Variants in ARHGEF10L observed in about 807,000 individuals in gnomAD.
ARHGEF10L encodes the protein Rho guanine nucleotide exchange factor 10 like.
In ARHGEF10L, 69 loss-of-function variants were observed where a neutral mutation model predicts 141.2. The observed-to-expected ratio is 0.49, with a 90% confidence interval of 0.40 to 0.60. ARHGEF10L has a LOEUF of 0.60. Ranked by LOEUF, ARHGEF10L falls within the 20% of genes least tolerant of loss-of-function variation. ARHGEF10L has a pLI of 0.00. For missense variants in ARHGEF10L, 1,482 were observed against 1,734.3 expected (o/e 0.85, Z 2.58); for synonymous variants, 711 against 718.5 (o/e 0.99, Z 0.17).
chr1:17,585,565 A>G lies in ARHGEF10L; in HGVS notation c.38-1895A>G, dbSNP rs1439180368. Among the ~76,000 whole-genome samples, 8 of 152,098 alleles carry G rather than the reference A, an allele frequency of 5.3e-5. No individual in the cohort carries two copies. In the East Asian group the frequency reaches 1.4e-3, roughly 26 times the overall value. The stretch of plus-strand genomic sequence containing the variant: ...TCTCCTCCTCCGTGGCCTCAGAGGA[A>G]GTTGGGTACTTCTCATTCTGGGGAG... On this transcript the variant is annotated intron_variant, in intron 2 of 28. Transcript: ENST00000361221.
rs778785545 is a variant in ARHGEF10L, at chr1:17,573,063, C to A, written c.-43-7490C>A. ...CTCCAGCTCTTTCCTGCCATTCTTC[C>A]GTCTGTACACCTGCTGGGTTGCAGG... On this transcript the variant is annotated intron_variant, in intron 1 of 28. Transcript: ENST00000361221. This position sits in a 1 kb window ranked among gnomAD's most constrained non-coding sequence, Gnocchi z 4.8. Among the ~76,000 whole-genome samples the A allele has an allele frequency of 6.6e-6, 1 of 152,274 alleles. No individual in the cohort carries two copies. Among genetic ancestry groups the A allele is most frequent in the East Asian group, 1.9e-4 (1 of 5,174 alleles).
At chr1:17,618,903 T>C (rs1490044152) in intron 9 of ARHGEF10L, among the ~76,000 whole-genome samples, 1 of 152,234 alleles carries the variant, frequency 6.6e-6, no homozygotes. Context: ...CACGCTGCCC[T>C]GTTCTTCTCG....
At chr1:17,542,832 C>T (rs145168296) in intron 1 of ARHGEF10L, among the ~76,000 whole-genome samples, 141 of 152,282 alleles carry the variant, frequency 9.3e-4, no homozygotes, top group Non-Finnish European at 1.7e-3. Context: ...TCAGCGAAGG[C>T]GCCAGCACTC....
chr1:17,593,070 C>A (rs888820068), intron 4 of ARHGEF10L, among the ~76,000 whole-genome samples: 2 of 152,180 alleles, frequency 1.3e-5, no homozygotes, highest in Non-Finnish European at 2.9e-5. Flanking sequence ...CCTTTGAGGA[C>A]CCCCACAGCC....
At chr1:17,663,705 G>A (rs903220047) in intron 25 of ARHGEF10L, among the ~76,000 whole-genome samples, 3 of 152,206 alleles carry the variant, frequency 2.0e-5, no homozygotes, top group African/African-American at 7.2e-5. Context: ...GTCTAGATAA[G>A]CTACAGCATC....
chr1:17,674,748 C>G (rs1219881136), intron 26 of ARHGEF10L, among the ~76,000 whole-genome samples: 1 of 152,194 alleles, frequency 6.6e-6, no homozygotes, highest in East Asian at 1.9e-4. Context: ...GATTACAATA[C>G]AGTATTTTAC....
At chr1:17,645,613 C>G (rs2061554462) in intron 21 of ARHGEF10L, among the ~76,000 whole-genome samples, 1 of 152,078 alleles carries the variant, frequency 6.6e-6, no homozygotes, top group South Asian at 2.1e-4. Flanking sequence ...GGGACAAGCT[C>G]TCAAATCTGG....
rs543754201 is a variant in ARHGEF10L, at chr1:17,619,579, G to A, written c.942+134G>A. On this transcript the variant is annotated intron_variant, in intron 10 of 28. Coordinates refer to ENST00000361221, the MANE Select transcript of ARHGEF10L (RefSeq NM_018125.4). The surrounding 1 kb of genome is among the most constrained non-coding windows in gnomAD (Gnocchi z 5.0). ...GACTGGGGGCTCTTGGCAGAGCCCA[G>A]CTGGATAGGGGCCTCCTAGGTTCTC... The A allele has an allele frequency of 3.9e-4, 265 of 683,474 alleles. 1 individual carries two copies. In the African/African-American group the frequency reaches 4.6e-3, roughly 12 times the overall value. 42.3% of individuals were successfully genotyped at this position (683,474 alleles called of 1,614,324 possible). A position where few individuals can be genotyped will look rare whatever the true frequency, so the allele number is the denominator to read the frequency against.
chr1:17,631,046 G>A (rs2060654706), intron 15 of ARHGEF10L, among the ~76,000 whole-genome samples: 1 of 151,734 alleles, frequency 6.6e-6, no homozygotes, highest in Non-Finnish European at 1.5e-5. Context: ...TCTCTCTGGG[G>A]AGGCTCAGAG....
At chr1:17,609,799 C>T (rs1392025494) in intron 7 of ARHGEF10L, among the ~76,000 whole-genome samples, 1 of 152,082 alleles carries the variant, frequency 6.6e-6, no homozygotes, top group African/African-American at 2.4e-5. Context: ...GAGGAGCGGC[C>T]CAGGCAGAAG....
the ARHGEF10L span, among the ~76,000 whole-genome samples, chr1:17,523,886 C>T: frequency 6.6e-6 from 1 of 152,196 alleles, no homozygotes; most frequent in Non-Finnish European, 1.5e-5. Flanking sequence ...TTGGCACATG[C>T]ACACAGAGAG....
In ARHGEF10L at chr1:17,621,397, T is replaced by A. The variant is rs2101453219; in HGVS notation, c.943-467T>A. 6.6e-6 allele frequency among the ~76,000 whole-genome samples: 1 copy of A among 152,256 alleles called. No individual in the cohort carries two copies. Among genetic ancestry groups the A allele is most frequent in the Non-Finnish European group, 1.5e-5 (1 of 68,028 alleles). Reference sequence around the variant, plus strand: ...ATAGGCGCGTGCCACCACGCCCAGCTGATTTTTGTATTTTTACTAGAGACA... The same window carrying A: ...ATAGGCGCGTGCCACCACGCCCAGCAGATTTTTGTATTTTTACTAGAGACA... On this transcript the variant is annotated intron_variant, in intron 10 of 28. Coordinates refer to ENST00000361221, the MANE Select transcript of ARHGEF10L (RefSeq NM_018125.4). This position sits in a 1 kb window ranked among gnomAD's most constrained non-coding sequence, Gnocchi z 4.1.
rs992069395 is a variant in ARHGEF10L at position 17,675,161 on chromosome 1, G to A, written c.3009+10566G>A. 9.9e-5 allele frequency among the ~76,000 whole-genome samples: 15 copies of A among 152,272 alleles called. 1 individual carries two copies. Among genetic ancestry groups the A allele is most frequent in the Admixed American group, 5.2e-4 (8 of 15,296 alleles). ...GGTTGGTCCCAGCTTTGTGTTGGTC[G>A]CATCAATTCTGACCTTTCTTGCCCA... On this transcript the variant is annotated intron_variant, in intron 26 of 28. Coordinates refer to ENST00000361221, the MANE Select transcript of ARHGEF10L (RefSeq NM_018125.4).
the ARHGEF10L span, among the ~76,000 whole-genome samples, chr1:17,521,321 C>A: frequency 5.3e-5 from 8 of 152,176 alleles, no homozygotes; most frequent in Non-Finnish European, 7.3e-5. Context: ...CTCAGCCTCC[C>A]GAGTAGCTGG....
At chr1:17,564,046 A>G (rs1231788715) in intron 1 of ARHGEF10L, among the ~76,000 whole-genome samples, 1 of 152,136 alleles carries the variant, frequency 6.6e-6, no homozygotes, top group African/African-American at 2.4e-5. Flanking sequence ...GCCAGCCCCA[A>G]GGAGGCCCTT....
chr1:17,561,879 G>A (rs990473220), intron 1 of ARHGEF10L, among the ~76,000 whole-genome samples: 11 of 152,132 alleles, frequency 7.2e-5, no homozygotes, highest in Non-Finnish European at 1.6e-4. Context: ...GTTAGCTGTC[G>A]ACCACAGCTG....
intron 1 of ARHGEF10L, among the ~76,000 whole-genome samples, chr1:17,549,166 G>A (rs1399107222): frequency 2.6e-5 from 4 of 151,512 alleles, no homozygotes; most frequent in African/African-American, 9.7e-5. Flanking sequence ...GGGATTACAG[G>A]CGCCTGCCAC....
chr1:17,605,566 C>T (rs1215815447), intron 6 of ARHGEF10L, among the ~76,000 whole-genome samples: 1 of 139,606 alleles, frequency 7.2e-6, no homozygotes. Context: ...ATGGCGGGGA[C>T]TTCAACGGAA....
intron 8 of ARHGEF10L, 53 bp downstream of exon 8, chr1:17,613,227 G>C: frequency 2.0e-6 from 3 of 1,475,070 alleles, no homozygotes; most frequent in Non-Finnish European, 2.8e-6. Context: ...TCCAGCTGCA[G>C]CTACCTCCAA....
Sources: gnomAD v4.1 joint callset for allele counts (sites outside exome capture counted in the v4.1 genomes callset) on GRCh38, gnomAD v4.1.1 for gene constraint, Gnocchi (gnomAD v3.1) non-coding constraint, MANE v1.5 for transcripts, NCBI Gene and HGNC (gene_info 2026-07-23, HGNC 2026-07-21) for gene names.